BTG4: variants seen among roughly 807,000 people sequenced by gnomAD.
The protein encoded by BTG4 is BTG anti-proliferation factor 4.
In BTG4, 10 loss-of-function variants were observed where a neutral mutation model predicts 19.3. The observed-to-expected ratio is 0.52, with a 90% CI of 0.32 to 0.88. The LOEUF is 0.88. BTG4 is among the 40% of genes least tolerant of loss of function. The pLI, the probability that BTG4 is intolerant of heterozygous loss-of-function variation, is 0.04. For missense variants in BTG4, 238 were observed against 281.9 expected (o/e 0.84, Z 1.11); for synonymous variants, 91 against 95.7 (o/e 0.95, Z 0.29).
upstream of BTG4, chr11:111,512,788 G>A (rs1013513957): frequency 8.2e-6 from 2 of 243,182 alleles, no homozygotes; most frequent in Non-Finnish European, 1.7e-5. Context: ...CTGCGAGGCC[G>A]GCGGGGGTCC....
the BTG4 span, among the ~76,000 whole-genome samples, chr11:111,435,493 C>A: frequency 6.6e-6 from 1 of 152,192 alleles, no homozygotes; most frequent in Non-Finnish European, 1.5e-5. Flanking sequence ...AAGCATACCG[C>A]TCAGGGTTTT....
At chr11:111,514,495 C>A, upstream of BTG4, 3 of 375,956 alleles carry the variant, frequency 8.0e-6, no homozygotes, top group Non-Finnish European at 9.9e-6. Flanking sequence ...ATGTGGCAGC[C>A]CACTGAGGAT....
At chr11:111,391,147 T>C in the BTG4 span, among the ~76,000 whole-genome samples, 1 of 152,212 alleles carries the variant, frequency 6.6e-6, no homozygotes, top group Non-Finnish European at 1.5e-5. Flanking sequence ...TAGACATCAG[T>C]GGCTGCATCT....
At chr11:111,511,847 C>G (rs1276558886) in intron 1 of BTG4, among the ~76,000 whole-genome samples, 8 of 152,196 alleles carry the variant, frequency 5.3e-5, no homozygotes, top group Non-Finnish European at 1.0e-4. Context: ...TATTACAGCT[C>G]TCATTGAGGA....
chr11:111,513,204 A>G (rs1179410261), upstream of BTG4, among the ~76,000 whole-genome samples: 7 of 152,236 alleles, frequency 4.6e-5, no homozygotes, highest in Non-Finnish European at 8.8e-5. Flanking sequence ...AGCTCTCTCT[A>G]GGAGTCACAG....
the BTG4 span, among the ~76,000 whole-genome samples, chr11:111,423,919 G>A: frequency 1.3e-5 from 2 of 152,072 alleles, no homozygotes; most frequent in African/African-American, 4.8e-5. Context: ...TGCCAGAAGA[G>A]GAGGCCGAGA....
At chr11:111,433,948 G>C in the BTG4 span, among the ~76,000 whole-genome samples, 1 of 152,202 alleles carries the variant, frequency 6.6e-6, no homozygotes, top group Non-Finnish European at 1.5e-5. Context: ...TCACACTGTT[G>C]GTGGGAGTGT....
chr11:111,481,171 G>A (rs1165379146), intron 5 of BTG4, among the ~76,000 whole-genome samples: 1 of 151,836 alleles, frequency 6.6e-6, no homozygotes, highest in Non-Finnish European at 1.5e-5. Context: ...AACTCCACAT[G>A]CATAAATTTC....
the BTG4 span, among the ~76,000 whole-genome samples, chr11:111,461,260 C>T: frequency 6.6e-6 from 1 of 152,264 alleles, no homozygotes; most frequent in African/African-American, 2.4e-5. Context: ...TCAATTCTAG[C>T]CCTGACACCA....
At chr11:111,505,425 A>C (rs1866380634) in intron 1 of BTG4, among the ~76,000 whole-genome samples, 1 of 152,142 alleles carries the variant, frequency 6.6e-6, no homozygotes. Context: ...AGCCATATGC[A>C]GAAGACTGAA....
the BTG4 span, among the ~76,000 whole-genome samples, chr11:111,445,404 G>A: frequency 1.4e-4 from 21 of 152,192 alleles, no homozygotes; most frequent in South Asian, 2.9e-3. Flanking sequence ...AACAGGGTCC[G>A]GGGATCCTCT....
the BTG4 span, among the ~76,000 whole-genome samples, chr11:111,447,386 A>G: frequency 6.6e-6 from 1 of 152,326 alleles, no homozygotes. Flanking sequence ...TCTAAAGCTA[A>G]AACCATATGG....
chr11:111,494,316 C>T (rs1865590800), downstream of BTG4, among the ~76,000 whole-genome samples: 3 of 152,172 alleles, frequency 2.0e-5, no homozygotes, highest in South Asian at 6.2e-4. Flanking sequence ...TGAGAACAAA[C>T]AGCATGAGTA....
chr11:111,436,164 T>A, the BTG4 span, among the ~76,000 whole-genome samples: 1 of 152,174 alleles, frequency 6.6e-6, no homozygotes, highest in African/African-American at 2.4e-5. Context: ...AATGGCTAAG[T>A]CAGGTCTTGA....
At chr11:111,464,432 G>A (rs1863602992), downstream of BTG4, 1 of 152,432 alleles carries the variant, frequency 6.6e-6, no homozygotes, top group South Asian at 2.1e-4. Flanking sequence ...TACACATTAG[G>A]GGGTCACTGG....
At chr11:111,455,427 C>T in the BTG4 span, 3 of 232,772 alleles carry the variant, frequency 1.3e-5, no homozygotes, top group Admixed American at 4.7e-5. Flanking sequence ...GAAGGCCAGC[C>T]GGAGGAGGCA....
At chr11:111,473,320 A>T (rs1195887834) in intron 5 of BTG4, 1 of 152,624 alleles carries the variant, frequency 6.6e-6, no homozygotes. Context: ...AAAAACAAAG[A>T]TCTTCTGCTC....
chr11:111,434,575 A>T, the BTG4 span, among the ~76,000 whole-genome samples: 2 of 82,356 alleles, frequency 2.4e-5, no homozygotes, highest in Admixed American at 1.2e-4. Context: ...AATAAATTTT[A>T]AAAAAAATAA....
At chr11:111,444,492 T>C in the BTG4 span, among the ~76,000 whole-genome samples, 1 of 152,074 alleles carries the variant, frequency 6.6e-6, no homozygotes, top group African/African-American at 2.4e-5. Context: ...GGATGGTTAA[T>C]GGGTACCAAA....
Sources: gnomAD v4.1 joint callset for allele counts (sites outside exome capture counted in the v4.1 genomes callset) on GRCh38, gnomAD v4.1.1 for gene constraint, MANE v1.5 for transcripts, NCBI Gene and HGNC (gene_info 2026-07-23, HGNC 2026-07-21) for gene names.